The following VMP1 variants were observed in gnomAD, a reference collection of about 807,000 sequenced individuals.
VMP1 encodes vacuole membrane protein 1.
Under a neutral mutation model 56.0 loss-of-function variants are expected in VMP1, and 11 were observed. The ratio of observed to expected loss-of-function variants is 0.20; its 90% CI spans 0.12 to 0.32. VMP1 has a LOEUF of 0.32. Ranked by LOEUF, VMP1 falls within the 10% of genes least tolerant of loss-of-function variation. The probability of loss-of-function intolerance (pLI) is 1.00; values close to 1 mark genes in which losing one functional copy is unlikely to be tolerated. For missense variants in VMP1, 296 were observed against 490.3 expected (o/e 0.60, Z 3.74); for synonymous variants, 149 against 165.0 (o/e 0.90, Z 0.74).
chr17:59,716,016 C>CT (rs2143714782), intron 1 of VMP1, among the ~76,000 whole-genome samples: 1 of 151,882 alleles, frequency 6.6e-6, no homozygotes, highest in East Asian at 1.9e-4. Context: ...GACATAATTT[C>CT]TGGCTTATCA....
chr17:59,791,664 A>G (rs528559594), intron 7 of VMP1, among the ~76,000 whole-genome samples: 2 of 151,844 alleles, frequency 1.3e-5, no homozygotes, highest in East Asian at 1.9e-4. Context: ...GGGTTTCACC[A>G]TGTTGGCCAG....
chr17:59,738,996 T>C, intron 5 of VMP1, 49 bp downstream of exon 5: 2 of 1,411,188 alleles, frequency 1.4e-6, no homozygotes, highest in Non-Finnish European at 1.9e-6. Flanking sequence ...TCCTATCTTT[T>C]TATTGGTGCT....
chr17:59,720,817 C>T (rs200407749), intron 1 of VMP1, among the ~76,000 whole-genome samples: 1 of 151,258 alleles, frequency 6.6e-6, no homozygotes, highest in East Asian at 2.0e-4. Flanking sequence ...CTACTAAATA[C>T]AAAACATTAG....
intron 1 of VMP1, among the ~76,000 whole-genome samples, chr17:59,724,423 G>A (rs1220859325): frequency 6.6e-6 from 1 of 152,098 alleles, no homozygotes; most frequent in Non-Finnish European, 1.5e-5. Context: ...TCTCAAGCCT[G>A]TAATCCCAGT....
At chr17:59,788,491 A>G (rs1357354148) in intron 7 of VMP1, among the ~76,000 whole-genome samples, 1 of 149,450 alleles carries the variant, frequency 6.7e-6, no homozygotes, top group Non-Finnish European at 1.5e-5. Context: ...AGTCTCCAAA[A>G]AAAAAAGAAG....
intron 10 of VMP1, among the ~76,000 whole-genome samples, chr17:59,829,448 G>A (rs899326518): frequency 6.6e-6 from 1 of 152,164 alleles, no homozygotes; most frequent in African/African-American, 2.4e-5. Context: ...ATAAGGGCAA[G>A]AGTCTGAGGT....
chr17:59,737,808 C>T lies in VMP1; in HGVS notation c.303+265C>T, dbSNP rs370668733. ...TTTTAAAGACAGAGTCTCGCTCTGT[C>T]ACCCAGGTTGGAGCGCAGTGGTGTG... is the stretch of plus-strand genomic sequence containing the variant. On this transcript the variant is annotated intron_variant, in intron 4 of 11. Coordinates refer to ENST00000262291, the MANE Select transcript of VMP1 (RefSeq NM_030938.5). Among the ~76,000 whole-genome samples the T allele has an allele frequency of 7.9e-5, 12 of 151,936 alleles. No homozygotes were observed. The South Asian group carries it at 2.5e-3, about 32-fold the overall frequency.
chr17:59,765,783 G>A (rs2036210714), intron 6 of VMP1, among the ~76,000 whole-genome samples: 1 of 152,018 alleles, frequency 6.6e-6, no homozygotes, highest in Admixed American at 6.6e-5. Context: ...GGAGCCATGA[G>A]AGGCACACCC....
chr17:59,786,351 C>T (rs9897698), intron 7 of VMP1, among the ~76,000 whole-genome samples: 2,195 of 152,272 alleles, frequency 0.014, 46 homozygotes, highest in African/African-American at 0.049. Flanking sequence ...TAATGCTATT[C>T]TCTTTTAAGC....
chr17:59,743,373 C>T lies in VMP1; in HGVS notation c.414+4426C>T, dbSNP rs138592421. On this transcript the variant is annotated intron_variant, in intron 5 of 11. Transcript: ENST00000262291. ...TTATAGGGTATGATCCTTTTCTGACCGACCTCTTTCACTTTGCAATATACA... is the reference window on the plus strand; with the variant it reads ...TTATAGGGTATGATCCTTTTCTGACTGACCTCTTTCACTTTGCAATATACA... Among the ~76,000 whole-genome samples the T allele has an allele frequency of 4.6e-5, 7 of 152,012 alleles. No homozygotes were observed. The East Asian group carries it at 5.8e-4, about 13-fold the overall frequency.
intron 1 of VMP1, among the ~76,000 whole-genome samples, chr17:59,713,536 A>G (rs1424242057): frequency 6.6e-6 from 1 of 151,900 alleles, no homozygotes; most frequent in Non-Finnish European, 1.5e-5. Flanking sequence ...GGGAGAGGAG[A>G]GGGCCAAGGG....
chr17:59,819,856 T>C (rs2038377972), intron 10 of VMP1, among the ~76,000 whole-genome samples: 1 of 152,222 alleles, frequency 6.6e-6, no homozygotes, highest in Non-Finnish European at 1.5e-5. Context: ...CATTATTTGT[T>C]CTTTTCTTAT....
intron 5 of VMP1, among the ~76,000 whole-genome samples, chr17:59,760,710 T>A (rs2036019089): frequency 6.6e-6 from 1 of 152,186 alleles, no homozygotes; most frequent in African/African-American, 2.4e-5. Flanking sequence ...AATCTCCGCC[T>A]CCCGGATTCA....
chr17:59,838,282 A>G lies in VMP1; in HGVS notation c.975-13A>G, dbSNP rs752380826. ...TGTGTCTTTTTCTTTGGGCTACTGT[A>G]CCCTGCTTCCAGTGCTGTCCCCGGC... On this transcript the variant is annotated splice_polypyrimidine_tract_variant and intron_variant, in intron 10 of 11. Coordinates refer to ENST00000262291, the MANE Select transcript of VMP1 (RefSeq NM_030938.5). 3.7e-6 allele frequency: 6 copies of G among 1,612,096 alleles called. No homozygotes were observed. In the Admixed American group the frequency reaches 5.0e-5, roughly 13 times the overall value.
At chr17:59,801,676 C>G (rs1450708476) in intron 7 of VMP1, among the ~76,000 whole-genome samples, 6 of 152,142 alleles carry the variant, frequency 3.9e-5, no homozygotes, top group South Asian at 2.1e-4. Flanking sequence ...AGCCGGATCA[C>G]CTGAGGTTAG....
intron 1 of VMP1, among the ~76,000 whole-genome samples, chr17:59,716,977 TA>T (rs201049718): frequency 5.5e-4 from 83 of 151,858 alleles, no homozygotes; most frequent in Middle Eastern, 3.4e-3. Flanking sequence ...CTCCAATTTT[TA>T]TTTTTTTTTA....
intron 7 of VMP1, among the ~76,000 whole-genome samples, chr17:59,788,451 C>T (rs1476451674): frequency 1.3e-5 from 2 of 151,498 alleles, no homozygotes; most frequent in African/African-American, 2.4e-5. Flanking sequence ...CCCACCACTG[C>T]ACTCCAGCCT....
At chr17:59,814,269 GC>G (rs1244696161) in intron 9 of VMP1, among the ~76,000 whole-genome samples, 1 of 152,134 alleles carries the variant, frequency 6.6e-6, no homozygotes, top group African/African-American at 2.4e-5. Context: ...GATCCACTGC[GC>G]CTGGCCGATG....
At chr17:59,806,078 CAATT>C (rs2037833445) in intron 7 of VMP1, among the ~76,000 whole-genome samples, 1 of 151,984 alleles carries the variant, frequency 6.6e-6, no homozygotes, top group African/African-American at 2.4e-5. Flanking sequence ...ATACTTTAGA[CAATT>C]AAAACATTTT....
Sources: gnomAD v4.1 joint callset for allele counts (sites outside exome capture counted in the v4.1 genomes callset) on GRCh38, gnomAD v4.1.1 for gene constraint, MANE v1.5 for transcripts, NCBI Gene and HGNC (gene_info 2026-07-23, HGNC 2026-07-21) for gene names.